JADE2: variants seen among roughly 807,000 people sequenced by gnomAD.
JADE2 encodes jade family PHD finger 2.
JADE2 carries 13 observed loss-of-function variants against 85.7 expected under a neutral mutation model. The ratio of observed to expected loss-of-function variants is 0.15; its 90% CI spans 0.10 to 0.24. The LOEUF is 0.24. Among genes scored for constraint, JADE2 ranks in the 10% least tolerant of loss-of-function variants. The pLI, the probability that JADE2 is intolerant of heterozygous loss-of-function variation, is 1.00. For missense variants in JADE2, 846 were observed against 1,115.9 expected (o/e 0.76, Z 3.45); for synonymous variants, 440 against 456.1 (o/e 0.96, Z 0.45).
chr5:134,565,729 A>T (rs1763600283), intron 8 of JADE2, among the ~76,000 whole-genome samples: 1 of 151,724 alleles, frequency 6.6e-6, no homozygotes, highest in African/African-American at 2.4e-5. Flanking sequence ...GCTACTTGGG[A>T]GGCTGAGGCA....
rs1261740926 is a variant in JADE2 at position 134,581,163 on chromosome 5, A to G, written c.*1846A>G. ...TGACTCAGTTCAGAGGATCGGACAA[A>G]TGTGTCTAGTCCGGGTGGACTCGGA... On this transcript the variant is annotated 3_prime_UTR_variant, in exon 12 of 12. Coordinates refer to ENST00000681547, the MANE Select transcript of JADE2 (RefSeq NM_001388185.1). 6.6e-6 allele frequency: 1 copy of G among 152,534 alleles called. No individual in the cohort carries two copies. The highest frequency in any genetic ancestry group is 1.5e-5 in the Non-Finnish European group (1 of 68,036). 9.4% of individuals were successfully genotyped at this position (152,534 alleles called of 1,614,324 possible). A position where few individuals can be genotyped will look rare whatever the true frequency, so the allele number is the denominator to read the frequency against.
chr5:134,559,929 T>C lies in JADE2; in HGVS notation c.411T>C (p.Tyr137=). The change falls in exon 5 of 12, where the codon TAT becomes TAC. Residue 137 remains tyrosine, a synonymous_variant. Coordinates refer to ENST00000681547, the MANE Select transcript of JADE2 (RefSeq NM_001388185.1). The part of the protein sequence containing the change: ...SQPDWPGGSR[Y]DLDEIDAYWL... ...CTGATTGGCCAGGGGGCAGCCGCTA[T>C]GACTTGGACGAGATTGATGCCTACT... 1 of 1,614,050 alleles carries C rather than the reference T, an allele frequency of 6.2e-7. No homozygotes were observed. The highest frequency in any genetic ancestry group is 1.3e-5 in the African/African-American group (1 of 75,070).
chr5:134,531,009 C>T (rs1009338095), intron 1 of JADE2, among the ~76,000 whole-genome samples: 4 of 152,118 alleles, frequency 2.6e-5, no homozygotes, highest in East Asian at 1.9e-4. Flanking sequence ...CCAAGGAGAA[C>T]GACATGCAAC....
intron 3 of JADE2, among the ~76,000 whole-genome samples, chr5:134,543,149 C>T (rs1762077200): frequency 6.6e-6 from 1 of 151,678 alleles, no homozygotes; most frequent in Non-Finnish European, 1.5e-5. Flanking sequence ...ATTCCCCTGC[C>T]TCAGCCTCCC....
intron 3 of JADE2, among the ~76,000 whole-genome samples, chr5:134,549,438 A>G (rs553492781): frequency 6.6e-6 from 1 of 152,324 alleles, no homozygotes; most frequent in African/African-American, 2.4e-5. Context: ...AGGTGGGTGG[A>G]TCACTTGAGG....
chr5:134,578,857 G>C lies in JADE2; in HGVS notation c.2045G>C (p.Gly682Ala). Residue 682 changes from glycine to alanine, a missense_variant, in exon 12 of 12, where the codon GGG (glycine) becomes GCG (alanine). Around this residue, in one of 9 missense-constraint regions of JADE2, gnomAD observed 300 missense variants for 300.7 expected, o/e 1.00. Transcript: ENST00000681547. The surrounding 1 kb of genome is among the most constrained non-coding windows in gnomAD (Gnocchi z 4.4). The stretch of plus-strand genomic sequence containing the variant: ...GGCCAGGATGCAGGCAGTGGCAAGG[G>C]GGGTCAAGGGCCACCTACCAGGAAG... The part of the protein sequence containing the change: ...TWGQDAGSGK[G>A]GQGPPTRKPP... 6.2e-7 allele frequency: 1 copy of C among 1,613,774 alleles called. No homozygotes were observed. Among genetic ancestry groups the C allele is most frequent in the Non-Finnish European group, 8.5e-7 (1 of 1,180,000 alleles).
rs188076148 is a variant in JADE2, at chr5:134,579,795, C to T, written c.*478C>T. On this transcript the variant is annotated 3_prime_UTR_variant, in exon 12 of 12. Coordinates refer to ENST00000681547, the MANE Select transcript of JADE2 (RefSeq NM_001388185.1). This position sits in a 1 kb window ranked among gnomAD's most constrained non-coding sequence, Gnocchi z 4.6. ...CCGATCCCCAAGGAAGTATAATAAACGATACCCAGCCAGAGTCTACTCACT... is the reference window on the plus strand; with the variant it reads ...CCGATCCCCAAGGAAGTATAATAAATGATACCCAGCCAGAGTCTACTCACT... 4.2e-3 allele frequency: 671 copies of T among 159,474 alleles called. 5 individuals carry two copies. The highest frequency in any genetic ancestry group is 0.023 in the Middle Eastern group (7 of 308). The allele number at this position is 159,474 out of a possible 1,614,324, so 9.9% of individuals were successfully genotyped here. A position where few individuals can be genotyped will look rare whatever the true frequency, so the allele number is the denominator to read the frequency against.
At chr5:134,541,311 AGGAAACCATCAAT>A (rs1057465271) in intron 3 of JADE2, among the ~76,000 whole-genome samples, 3 of 152,252 alleles carry the variant, frequency 2.0e-5, no homozygotes, top group Non-Finnish European at 4.4e-5. Flanking sequence ...TGGGGCAGAG[AGGAAACCATCAAT>A]GAACGCTTCC....
chr5:134,560,109 T>C, intron 5 of JADE2, 119 bp downstream of exon 5: 4 of 1,133,018 alleles, frequency 3.5e-6, no homozygotes, highest in Non-Finnish European at 3.8e-6. Context: ...GGAGGGAGTC[T>C]CCATACTGCA....
rs1561772664 is a variant in JADE2 at position 134,580,424 on chromosome 5, A to ACCCC, written c.*1107_*1108insCCCC. 2.2e-4 allele frequency: 4 copies of ACCCC among 18,060 alleles called. No homozygotes were observed. The highest frequency in any genetic ancestry group is 3.3e-4 in the African/African-American group (3 of 9,098). 1.1% of individuals were successfully genotyped at this position (18,060 alleles called of 1,614,324 possible). A position where few individuals can be genotyped will look rare whatever the true frequency, so the allele number is the denominator to read the frequency against. ...CTGAGCCTTAACCCCTCGCACAGCC[A>ACCCC]TCCCCCCCCCCGTCCTGCCATCCCC... On this transcript the variant is annotated 3_prime_UTR_variant, in exon 12 of 12. Transcript: ENST00000681547.
At position 134,566,066 on chromosome 5, in the gene JADE2, C is replaced by A. The variant is rs551174267; in HGVS notation, c.970-50C>A. ...GGGGGAAGCCCCTCTGTCTTCTCCC[C>A]TCCCACCAGGCTCCCTCCATGTCTG... is the stretch of plus-strand genomic sequence containing the variant. On this transcript the variant is annotated intron_variant, in intron 8 of 11. Coordinates refer to ENST00000681547, the MANE Select transcript of JADE2 (RefSeq NM_001388185.1). The surrounding 1 kb of genome is among the most constrained non-coding windows in gnomAD (Gnocchi z 6.7). The A allele has an allele frequency of 3.1e-4, 469 of 1,513,822 alleles. 2 individuals are homozygous for A. The highest frequency in any genetic ancestry group is 2.9e-3 in the Admixed American group (168 of 57,176). The allele number at this position is 1,513,822 out of a possible 1,614,324, so 93.8% of individuals were successfully genotyped here. A position where few individuals can be genotyped will look rare whatever the true frequency, so the allele number is the denominator to read the frequency against.
chr5:134,541,603 CACT>C (rs1330888324), intron 3 of JADE2, among the ~76,000 whole-genome samples: 1 of 152,184 alleles, frequency 6.6e-6, no homozygotes, highest in African/African-American at 2.4e-5. Flanking sequence ...CCAGTGGGAA[CACT>C]TACGGAGTGA....
intron 9 of JADE2, among the ~76,000 whole-genome samples, chr5:134,569,289 G>T (rs1484700109): frequency 2.6e-5 from 4 of 152,202 alleles, no homozygotes; most frequent in African/African-American, 7.2e-5. Context: ...CAGTGCTAGG[G>T]CCTGGGAACC....
At chr5:134,550,967 G>A (rs1050829145) in intron 3 of JADE2, among the ~76,000 whole-genome samples, 1 of 152,114 alleles carries the variant, frequency 6.6e-6, no homozygotes, top group Non-Finnish European at 1.5e-5. Context: ...AGCCGGTCGA[G>A]TTAGGAGAGT....
At chr5:134,532,557 C>T (rs1041832420) in intron 1 of JADE2, among the ~76,000 whole-genome samples, 58 of 152,118 alleles carry the variant, frequency 3.8e-4, no homozygotes, top group African/African-American at 1.4e-3. Flanking sequence ...GGTAGGATTT[C>T]GGGAGCACTT....
Position 134,538,092 on chromosome 5 carries a change from T to G in JADE2, c.153+9T>G. On this transcript the variant is annotated intron_variant, in intron 3 of 11. Transcript: ENST00000681547. Reference sequence around the variant, plus strand: ...AAAAGAAGCCCTCCGAGGTGGGTAGTGATGAGCTTCCCAGAGATCTGTGGG... The same window carrying G: ...AAAAGAAGCCCTCCGAGGTGGGTAGGGATGAGCTTCCCAGAGATCTGTGGG... The G allele has an allele frequency of 6.2e-7, 1 of 1,600,982 alleles. No individual in the cohort carries two copies. Among genetic ancestry groups the G allele is most frequent in the Non-Finnish European group, 8.6e-7 (1 of 1,168,108 alleles).
At chr5:134,546,581 A>G (rs1454487992) in intron 3 of JADE2, among the ~76,000 whole-genome samples, 1 of 152,134 alleles carries the variant, frequency 6.6e-6, no homozygotes, top group African/African-American at 2.4e-5. Flanking sequence ...CAGCCTGGCC[A>G]AGATGGTGAA....
At chr5:134,549,873 G>A (rs1048048888) in intron 3 of JADE2, among the ~76,000 whole-genome samples, 1 of 152,182 alleles carries the variant, frequency 6.6e-6, no homozygotes, top group Admixed American at 6.5e-5. Context: ...TGGGGAGAAC[G>A]TTGAGGTAGT....
rs115719583 is a variant in JADE2 at position 134,538,047 on chromosome 5, G to A, written c.117G>A (p.Ser39=). 4.9e-5 allele frequency: 79 copies of A among 1,614,096 alleles called. No homozygotes were observed. In the East Asian group the frequency reaches 1.1e-3, roughly 23 times the overall value. ...RCSKLPSSTK[S]GWPRQNEKKP... is the part of the protein sequence containing the mutation. ...CCAAACTGCCCAGCAGCACCAAGTC[G>A]GGCTGGCCCCGACAGAACGAAAAGA... Residue 39 remains serine (S), a synonymous_variant, in exon 3 of 12, where the codon TCG becomes TCA. Transcript: ENST00000681547.
Sources: gnomAD v4.1 joint callset for allele counts (sites outside exome capture counted in the v4.1 genomes callset) on GRCh38, gnomAD v4.1.1 for gene constraint, gnomAD v4.1.1 regional missense constraint, Gnocchi (gnomAD v3.1) non-coding constraint, MANE v1.5 for transcripts, NCBI Gene and HGNC (gene_info 2026-07-23, HGNC 2026-07-21) for gene names.